Variants in CNTNAP5 observed in about 807,000 individuals in gnomAD.
The protein encoded by CNTNAP5 is contactin associated protein family member 5.
A neutral mutation model predicts 150.2 loss-of-function variants in CNTNAP5; 72 were observed. The observed-to-expected ratio is 0.48, with a 90% confidence interval of 0.40 to 0.58. CNTNAP5 has a LOEUF of 0.58. CNTNAP5 is among the 20% of genes least tolerant of loss of function. The pLI is 0.00. For missense variants in CNTNAP5, 1,636 were observed against 1,626.2 expected (o/e 1.01, Z -0.10); for synonymous variants, 672 against 619.8 (o/e 1.08, Z -1.25).
intron 1 of CNTNAP5, among the ~76,000 whole-genome samples, chr2:124,060,669 C>T (rs1394959984): frequency 6.6e-6 from 1 of 152,152 alleles, no homozygotes; most frequent in Admixed American, 6.5e-5. Flanking sequence ...TTCTAAGCGT[C>T]TTTGCATTAT....
rs374307912 is a variant in CNTNAP5 at position 124,442,768 on chromosome 2, C to T, written c.734-3985C>T. On this transcript the variant is annotated intron_variant, in intron 5 of 23. Coordinates refer to ENST00000682447, the MANE Select transcript of CNTNAP5 (RefSeq NM_001367498.1). ...AGCAACAAACACAAATAAAGAAAGG[C>T]AAAAAGATATTTTCAAAATTCGTAT... Among the ~76,000 whole-genome samples the T allele has an allele frequency of 1.1e-4, 17 of 151,700 alleles. No homozygotes were observed. The East Asian group carries it at 3.3e-3, about 29-fold the overall frequency.
intron 3 of CNTNAP5, among the ~76,000 whole-genome samples, chr2:124,359,026 G>A (rs1690112276): frequency 6.6e-6 from 1 of 150,666 alleles, no homozygotes; most frequent in Non-Finnish European, 1.5e-5. Context: ...TCCTGGTTTA[G>A]TCTTGGGAGA....
chr2:124,260,020 TA>T (rs1485780583), intron 3 of CNTNAP5, among the ~76,000 whole-genome samples: 2 of 152,126 alleles, frequency 1.3e-5, no homozygotes, highest in Non-Finnish European at 2.9e-5. Context: ...AAAACTACTT[TA>T]AAATTCATAT....
At chr2:124,048,561 T>G (rs951619582) in intron 1 of CNTNAP5, among the ~76,000 whole-genome samples, 1 of 152,244 alleles carries the variant, frequency 6.6e-6, no homozygotes, top group African/African-American at 2.4e-5. Context: ...CTATACACTT[T>G]CTTAAATTGT....
intron 1 of CNTNAP5, among the ~76,000 whole-genome samples, chr2:124,079,896 G>A (rs563274523): frequency 2.0e-5 from 3 of 152,262 alleles, no homozygotes; most frequent in African/African-American, 7.2e-5. Flanking sequence ...ATATGTTTCA[G>A]TCTTCCTATC....
At chr2:124,254,993 A>G (rs193268687) in intron 3 of CNTNAP5, among the ~76,000 whole-genome samples, 1 of 152,200 alleles carries the variant, frequency 6.6e-6, no homozygotes, top group Non-Finnish European at 1.5e-5. Context: ...AAGCTCAAAT[A>G]GCAGCAGAGT....
At chr2:124,329,125 C>T (rs1409096626) in intron 3 of CNTNAP5, among the ~76,000 whole-genome samples, 1 of 152,042 alleles carries the variant, frequency 6.6e-6, no homozygotes, top group African/African-American at 2.4e-5. Flanking sequence ...CTGAATAGAA[C>T]CAAAGACAAG....
At chr2:124,068,461 T>C (rs931467828) in intron 1 of CNTNAP5, among the ~76,000 whole-genome samples, 3 of 152,138 alleles carry the variant, frequency 2.0e-5, no homozygotes, top group Non-Finnish European at 4.4e-5. Context: ...CTTGAGTTTC[T>C]TAGAAGCCTC....
intron 5 of CNTNAP5, among the ~76,000 whole-genome samples, chr2:124,442,280 T>C (rs1366249549): frequency 1.3e-5 from 2 of 152,064 alleles, no homozygotes; most frequent in East Asian, 3.9e-4. Flanking sequence ...TGGCAGTGGA[T>C]GCAAGAAGGG....
intron 9 of CNTNAP5, among the ~76,000 whole-genome samples, chr2:124,526,755 C>T (rs1055247252): frequency 6.6e-6 from 1 of 152,160 alleles, no homozygotes; most frequent in South Asian, 2.1e-4. Flanking sequence ...TTGCACATCA[C>T]GTCAAAATTC....
intron 13 of CNTNAP5, among the ~76,000 whole-genome samples, chr2:124,729,480 T>G (rs1221923129): frequency 6.6e-6 from 1 of 152,094 alleles, no homozygotes; most frequent in Non-Finnish European, 1.5e-5. Flanking sequence ...AGCATTAATT[T>G]CAGATGCAAT....
intron 19 of CNTNAP5, among the ~76,000 whole-genome samples, chr2:124,806,915 C>CTT (rs34184441): frequency 0.045 from 6,466 of 144,084 alleles, 378 homozygotes; most frequent in African/African-American, 0.14. Context: ...CTTTATTTTA[C>CTT]TTTTTTTTTT....
intron 19 of CNTNAP5, among the ~76,000 whole-genome samples, chr2:124,830,796 A>T (rs1334599726): frequency 6.6e-6 from 1 of 152,056 alleles, no homozygotes; most frequent in Non-Finnish European, 1.5e-5. Context: ...ACAAGAACTG[A>T]TGAAAAAGTT....
At chr2:124,526,276 A>G (rs1487888793) in intron 9 of CNTNAP5, among the ~76,000 whole-genome samples, 2 of 152,172 alleles carry the variant, frequency 1.3e-5, no homozygotes, top group African/African-American at 2.4e-5. Context: ...GGAAGGTGAA[A>G]AATGAGTTTC....
intron 3 of CNTNAP5, among the ~76,000 whole-genome samples, chr2:124,363,602 G>A (rs540114204): frequency 8.5e-5 from 13 of 152,294 alleles, no homozygotes; most frequent in African/African-American, 3.1e-4. Flanking sequence ...TGCAAGATGA[G>A]TGAGTTTTAT....
rs1678828666 is a variant in CNTNAP5, at chr2:124,919,316, T to C, written c.*5028T>C. On this transcript the variant is annotated 3_prime_UTR_variant, in exon 24 of 24. Transcript: ENST00000682447. ...GCTATTTTTCAGTGATTATTTTATC[T>C]TATTTTGCACTAAGGTACTCTGAGG... Among the ~76,000 whole-genome samples the C allele has an allele frequency of 6.6e-6, 1 of 152,150 alleles. No homozygotes were observed. Among genetic ancestry groups the C allele is most frequent in the South Asian group, 2.1e-4 (1 of 4,832 alleles).
chr2:124,302,468 G>T (rs1688588617), intron 3 of CNTNAP5, among the ~76,000 whole-genome samples: 1 of 152,128 alleles, frequency 6.6e-6, no homozygotes, highest in African/African-American at 2.4e-5. Flanking sequence ...GAGTCTTTGT[G>T]ATGCATCATC....
intron 3 of CNTNAP5, among the ~76,000 whole-genome samples, chr2:124,380,612 C>A (rs779906690): frequency 6.6e-6 from 1 of 152,202 alleles, no homozygotes; most frequent in Non-Finnish European, 1.5e-5. Context: ...GTACTGCTCA[C>A]TGTTTTCCTT....
chr2:124,847,607 C>T (rs1272927985), intron 19 of CNTNAP5, among the ~76,000 whole-genome samples: 2 of 152,138 alleles, frequency 1.3e-5, no homozygotes, highest in Non-Finnish European at 2.9e-5. Flanking sequence ...CAGTGGTGAT[C>T]CAGTTCCTTC....
Sources: gnomAD v4.1 joint callset for allele counts (sites outside exome capture counted in the v4.1 genomes callset) on GRCh38, gnomAD v4.1.1 for gene constraint, MANE v1.5 for transcripts, NCBI Gene and HGNC (gene_info 2026-07-23, HGNC 2026-07-21) for gene names.